The following RNF144A variants were observed in gnomAD, a reference collection of about 807,000 sequenced individuals.
RNF144A encodes the protein E3 ubiquitin-protein ligase RNF144A.
In RNF144A, 11 loss-of-function variants were observed where a neutral mutation model predicts 38.7. That is an observed-to-expected ratio of 0.28 (90% CI 0.18 to 0.47). RNF144A has a LOEUF of 0.47. Among genes scored for constraint, RNF144A ranks in the 20% least tolerant of loss-of-function variants. The pLI, the probability that RNF144A is intolerant of heterozygous loss-of-function variation, is 0.99. For missense variants in RNF144A, 316 were observed against 377.2 expected (o/e 0.84, Z 1.34); for synonymous variants, 149 against 143.9 (o/e 1.04, Z -0.25).
downstream of RNF144A, among the ~76,000 whole-genome samples, chr2:7,046,879 AT>A (rs1673329422): frequency 1.3e-5 from 2 of 152,196 alleles, no homozygotes; most frequent in South Asian, 2.1e-4. Flanking sequence ...ATTTTTATTT[AT>A]TCTTATTTTT....
chr2:7,033,919 C>T (rs1223783525), intron 8 of RNF144A, among the ~76,000 whole-genome samples: 1 of 152,196 alleles, frequency 6.6e-6, no homozygotes, highest in Non-Finnish European at 1.5e-5. Flanking sequence ...GCAGCCCTCT[C>T]CACAGGGCTA....
chr2:7,045,181 T>A (rs72783735), downstream of RNF144A, among the ~76,000 whole-genome samples: 9,733 of 152,252 alleles, frequency 0.064, 384 homozygotes, highest in Middle Eastern at 0.17. Context: ...AACTGGCGTG[T>A]CGGGGTTGGA....
chr2:7,065,831 G>C (rs538202057), intron 6 of RNF144A, among the ~76,000 whole-genome samples: 1 of 152,184 alleles, frequency 6.6e-6, no homozygotes, highest in Non-Finnish European at 1.5e-5. Context: ...AAAAGACTAC[G>C]AAAGTTACTT....
chr2:6,918,731 T>C (rs1664319889), intron 1 of RNF144A: 1 of 109,170 alleles, frequency 9.2e-6, no homozygotes, highest in Non-Finnish European at 1.7e-5. Context: ...GCCACAGCAC[T>C]CCCGCCTGGG....
intron 6 of RNF144A, among the ~76,000 whole-genome samples, chr2:7,060,252 G>A (rs1201227180): frequency 6.6e-6 from 1 of 151,666 alleles, no homozygotes; most frequent in African/African-American, 2.4e-5. Flanking sequence ...AATAAGACAT[G>A]ATCCTGTTTT....
At chr2:6,931,783 A>G (rs4669120) in intron 1 of RNF144A, among the ~76,000 whole-genome samples, 50,346 of 152,052 alleles carry the variant, frequency 0.33, 8,646 homozygotes, top group South Asian at 0.41. Flanking sequence ...CCATTGTGAT[A>G]TGAGGCCATA....
chr2:7,016,047 G>T (rs995657145), intron 5 of RNF144A, among the ~76,000 whole-genome samples: 4 of 145,042 alleles, frequency 2.8e-5, no homozygotes, highest in Non-Finnish European at 5.9e-5. Flanking sequence ...TGTACCTATA[G>T]TCTCAACTAC....
chr2:6,988,524 C>T (rs149764040), intron 2 of RNF144A, among the ~76,000 whole-genome samples: 188 of 152,288 alleles, frequency 1.2e-3, no homozygotes, highest in Non-Finnish European at 2.1e-3. Flanking sequence ...CTTAAGAAGA[C>T]AGGGGTTATT....
rs1299219381 is a variant in RNF144A, at chr2:7,040,743, G to A, written c.*983G>A. 8 of 985,438 alleles carry A rather than the reference G, an allele frequency of 8.1e-6. No homozygotes were observed. Among genetic ancestry groups the A allele is most frequent in the Non-Finnish European group, 9.6e-6 (8 of 829,914 alleles). The allele number at this position is 985,438 out of a possible 1,614,324, so 61.0% of individuals were successfully genotyped here. On this transcript the variant is annotated 3_prime_UTR_variant, in exon 9 of 9. Transcript: ENST00000320892. ...GATCCGCAGATGTAGGGGCCTCTTGGCAGAGGCTGGAGGACTCTGGGGGCT... is the reference window on the plus strand; with the variant it reads ...GATCCGCAGATGTAGGGGCCTCTTGACAGAGGCTGGAGGACTCTGGGGGCT...
chr2:7,021,046 G>A (rs929778685), intron 6 of RNF144A, among the ~76,000 whole-genome samples: 7 of 152,092 alleles, frequency 4.6e-5, no homozygotes, highest in Non-Finnish European at 7.4e-5. Context: ...TCTGAAATGG[G>A]GGTACAGAAA....
intron 8 of RNF144A, among the ~76,000 whole-genome samples, chr2:7,034,616 G>T (rs1163957555): frequency 6.6e-6 from 1 of 152,234 alleles, no homozygotes; most frequent in African/African-American, 2.4e-5. Flanking sequence ...TGTGGCACGT[G>T]CACCTGCCAG....
intron 8 of RNF144A, among the ~76,000 whole-genome samples, chr2:7,036,445 G>A (rs185496909): frequency 7.2e-5 from 11 of 152,314 alleles, no homozygotes; most frequent in East Asian, 3.9e-4. Flanking sequence ...AGACTGAGCC[G>A]AAGGACCAGG....
intron 1 of RNF144A, among the ~76,000 whole-genome samples, chr2:6,928,587 T>C (rs1358736104): frequency 6.6e-6 from 1 of 152,232 alleles, no homozygotes; most frequent in African/African-American, 2.4e-5. Flanking sequence ...CACGTACTGC[T>C]GTCCTCCACT....
rs138383053 is a variant in RNF144A, at chr2:6,986,129, G to A, written c.-11-10787G>A. On this transcript the variant is annotated intron_variant, in intron 2 of 8. Coordinates refer to ENST00000320892, the MANE Select transcript of RNF144A (RefSeq NM_014746.6). ...AGAAAGGATGGCTTAGAGGACTCCC[G>A]GAAGCCAGCTGTCCCAGCCAGCATC... Among the ~76,000 whole-genome samples the A allele has an allele frequency of 2.9e-3, 436 of 152,262 alleles. 1 individual carries two copies. The highest frequency in any genetic ancestry group is 4.8e-3 in the Non-Finnish European group (326 of 68,022).
Position 6,957,451 on chromosome 2 carries a change from G to A in RNF144A, c.-12+16304G>A, listed in dbSNP as rs950696279. Among the ~76,000 whole-genome samples, 10 of 152,348 alleles carry A rather than the reference G, an allele frequency of 6.6e-5. No homozygotes were observed. In the East Asian group the frequency reaches 1.9e-3, roughly 29 times the overall value. On this transcript the variant is annotated intron_variant, in intron 2 of 8. Coordinates refer to ENST00000320892, the MANE Select transcript of RNF144A (RefSeq NM_014746.6). Reference sequence around the variant, plus strand: ...ACTGGAAGAATGTGATTATGTGTGGGTAAGTGCTGGATGTTGTGCGTACTA... The same window carrying A: ...ACTGGAAGAATGTGATTATGTGTGGATAAGTGCTGGATGTTGTGCGTACTA...
At chr2:6,998,849 T>G (rs1393925168) in intron 3 of RNF144A, among the ~76,000 whole-genome samples, 1 of 138,806 alleles carries the variant, frequency 7.2e-6, no homozygotes, top group East Asian at 2.3e-4. Context: ...AAGGACATCT[T>G]CCCAACTGAT....
At position 6,941,669 on chromosome 2, in the gene RNF144A, A is replaced by T. The variant is rs1375972309; in HGVS notation, c.-12+522A>T. On this transcript the variant is annotated intron_variant, in intron 2 of 8. Transcript: ENST00000320892. The surrounding 1 kb of genome is among the most constrained non-coding windows in gnomAD (Gnocchi z 6.5). ...ACAAGGCCTAGATATTGTAGAGAAAAGAAAAAGTAGACCATGTCTAGTACG... is the reference window on the plus strand; with the variant it reads ...ACAAGGCCTAGATATTGTAGAGAAATGAAAAAGTAGACCATGTCTAGTACG... Among the ~76,000 whole-genome samples the T allele has an allele frequency of 6.6e-6, 1 of 152,270 alleles. No homozygotes were observed. The highest frequency in any genetic ancestry group is 2.4e-5 in the African/African-American group (1 of 41,472).
In RNF144A at chr2:7,041,926, C is replaced by T; in HGVS notation, c.*2166C>T. ...CTGTTGGAAGAGTCTCTGGCCCAGTCATGCACATCTGTAGCCCCAGCCATC... is the reference window on the plus strand; with the variant it reads ...CTGTTGGAAGAGTCTCTGGCCCAGTTATGCACATCTGTAGCCCCAGCCATC... On this transcript the variant is annotated 3_prime_UTR_variant, in exon 9 of 9. Transcript: ENST00000320892. The T allele has an allele frequency of 1.0e-6, 1 of 985,418 alleles. No individual in the cohort carries two copies. Among genetic ancestry groups the T allele is most frequent in the Non-Finnish European group, 1.2e-6 (1 of 829,948 alleles). The allele number at this position is 985,418 out of a possible 1,614,324, so 61.0% of individuals were successfully genotyped here.
chr2:6,985,626 G>A (rs1236896005), intron 2 of RNF144A, among the ~76,000 whole-genome samples: 3 of 152,150 alleles, frequency 2.0e-5, no homozygotes, highest in Admixed American at 6.5e-5. Flanking sequence ...TGTAGCATGT[G>A]CTCTGAAGTT....
Sources: allele counts gnomAD v4.1 joint callset (sites outside exome capture counted in the v4.1 genomes callset), GRCh38; gene constraint gnomAD v4.1.1; non-coding constraint Gnocchi (gnomAD v3.1); transcripts MANE v1.5; gene names NCBI Gene and HGNC (gene_info 2026-07-23, HGNC 2026-07-21).